CFAP74: variants seen among roughly 807,000 people sequenced by gnomAD.
The protein encoded by CFAP74 is cilia and flagella associated protein 74, also known as cilia- and flagella-associated protein 74.
A neutral mutation model predicts 188.9 loss-of-function variants in CFAP74; 124 were observed. The ratio of observed to expected loss-of-function variants is 0.66; its 90% CI spans 0.57 to 0.76. The LOEUF (loss-of-function observed/expected upper bound fraction) is 0.76. Among genes scored for constraint, CFAP74 ranks in the 30% least tolerant of loss-of-function variants. The pLI, the probability that CFAP74 is intolerant of heterozygous loss-of-function variation, is 0.00. For missense variants in CFAP74, 2,198 were observed against 2,165.2 expected (o/e 1.02, Z -0.30); for synonymous variants, 956 against 916.7 (o/e 1.04, Z -0.77).
chr1:1,925,992 G>A lies in CFAP74; in HGVS notation c.3949-54C>T. The stretch of plus-strand genomic sequence containing the variant: ...ACCGATGTCTGCTGGAGCCACGAGG[G>A]GAGCTCTGCCTCAGGGGCAGTGGGT... On this transcript the variant is annotated intron_variant, in intron 32 of 38. Transcript: ENST00000682832. 16 of 1,517,226 alleles carry A rather than the reference G, an allele frequency of 1.1e-5. 1 individual carries two copies. In the South Asian group the frequency reaches 1.9e-4, roughly 18 times the overall value. 94.0% of individuals were successfully genotyped at this position (1,517,226 alleles called of 1,614,324 possible). A position where few individuals can be genotyped will look rare whatever the true frequency, so the allele number is the denominator to read the frequency against.
chr1:1,926,743 G>A lies in CFAP74; in HGVS notation c.3681C>T (p.Tyr1227=). Residue 1227 remains tyrosine (Y), a synonymous_variant, in exon 30 of 39, where the codon TAC becomes TAT. Coordinates refer to ENST00000682832, the MANE Select transcript of CFAP74 (RefSeq NM_001304360.2). ...CCACCGTCGGGCACCACAGCTCCAG[G>A]TACAGGGTGTTGTGGGGGCTGGGAT... The part of the protein sequence containing the change: ...PLSFSPHNTL[Y]LELWCPTVAP... 7.1e-6 allele frequency: 11 copies of A among 1,550,128 alleles called. No homozygotes were observed. Among genetic ancestry groups the A allele is most frequent in the Non-Finnish European group, 9.6e-6 (11 of 1,146,824 alleles).
At position 1,940,412 on chromosome 1, in the gene CFAP74, G is replaced by C. The variant is rs1470675535; in HGVS notation, c.2616-9C>G. On this transcript the variant is annotated splice_polypyrimidine_tract_variant and intron_variant, in intron 22 of 38. Transcript: ENST00000682832. ...CCTCCGGGAGGGAGTGTCTGAAAGAGGCAGACAAGGCGAATGTGCTTTCCT... is the reference window on the plus strand; with the variant it reads ...CCTCCGGGAGGGAGTGTCTGAAAGACGCAGACAAGGCGAATGTGCTTTCCT... 3 of 1,508,970 alleles carry C rather than the reference G, an allele frequency of 2.0e-6. No individual in the cohort carries two copies. Among genetic ancestry groups the C allele is most frequent in the Non-Finnish European group, 2.7e-6 (3 of 1,130,534 alleles). 93.5% of individuals were successfully genotyped at this position (1,508,970 alleles called of 1,614,324 possible).
intron 21 of CFAP74, 115 bp downstream of exon 21, chr1:1,944,216 C>A: frequency 1.2e-6 from 1 of 806,764 alleles, no homozygotes. Flanking sequence ...ACCCCGTGTG[C>A]GTGGGTCACC....
intron 16 of CFAP74, among the ~76,000 whole-genome samples, chr1:1,958,250 C>A (rs576263428): frequency 2.0e-5 from 3 of 152,362 alleles, no homozygotes; most frequent in African/African-American, 7.2e-5. Context: ...CATAGCGCGC[C>A]TCTGCCCTTC....
At chr1:1,932,280 C>G (rs1365197422) in intron 25 of CFAP74, among the ~76,000 whole-genome samples, 1 of 150,910 alleles carries the variant, frequency 6.6e-6, no homozygotes, top group Non-Finnish European at 1.5e-5. Flanking sequence ...ACCTGTAGTC[C>G]CAGCTATTTG....
intron 21 of CFAP74, among the ~76,000 whole-genome samples, chr1:1,943,283 C>T (rs1340003151): frequency 2.0e-5 from 3 of 152,212 alleles, no homozygotes; most frequent in African/African-American, 4.8e-5. Flanking sequence ...AGGACGATGC[C>T]GGAGGCGAGC....
At chr1:1,997,336 C>T (rs1160950574) in intron 1 of CFAP74, among the ~76,000 whole-genome samples, 1 of 151,374 alleles carries the variant, frequency 6.6e-6, no homozygotes, top group Non-Finnish European at 1.5e-5. Context: ...GCAGGAGAAA[C>T]GTTTGAACCC....
At chr1:1,925,253 CAG>C (rs781509340) in intron 33 of CFAP74, among the ~76,000 whole-genome samples, 24 of 147,992 alleles carry the variant, frequency 1.6e-4, no homozygotes, top group South Asian at 4.3e-4. Flanking sequence ...TGAGGGCACA[CAG>C]GGCAGCGCGA....
intron 1 of CFAP74, among the ~76,000 whole-genome samples, chr1:1,992,630 C>T (rs974647270): frequency 2.2e-4 from 34 of 151,902 alleles, no homozygotes; most frequent in African/African-American, 5.3e-4. Context: ...CCCACCACTA[C>T]GCCCAGCTAA....
chr1:1,972,279 CGTGTGGG>C (rs1324173556), intron 8 of CFAP74, among the ~76,000 whole-genome samples, 197 bp from the exon 9 acceptor site: 2 of 152,202 alleles, frequency 1.3e-5, no homozygotes, highest in Non-Finnish European at 2.9e-5. Flanking sequence ...ACAGCGATGC[CGTGTGGG>C]GTGTTAATTA....
chr1:1,927,022 G>T lies in CFAP74; in HGVS notation c.3534C>A (p.Asp1178Glu). Residue 1178 changes from aspartate to glutamate, a missense_variant, in exon 29 of 39, where the codon GAC becomes GAA. Physicochemically the swap from Asp to Glu is conservative, Grantham distance 45. Transcript: ENST00000682832. Reference sequence around the variant, plus strand: ...GGGTGGCTCGGGCGGCCTGGTACTCGTCGGAACTAGAAGGAAGTCAGAGGC... The same window carrying T: ...GGGTGGCTCGGGCGGCCTGGTACTCTTCGGAACTAGAAGGAAGTCAGAGGC... The part of the protein sequence containing the change: ...MRKRELRPSS[D>E]EYQAARATLL... The T allele has an allele frequency of 1.3e-6, 2 of 1,550,178 alleles. No individual in the cohort carries two copies. The highest frequency in any genetic ancestry group is 1.2e-5 in the South Asian group (1 of 84,068).
Position 1,923,126 on chromosome 1 carries a change from A to T in CFAP74, c.4542T>A (p.Pro1514=). The T allele has an allele frequency of 6.2e-7, 1 of 1,609,038 alleles. No homozygotes were observed. Among genetic ancestry groups the T allele is most frequent in the Non-Finnish European group, 8.5e-7 (1 of 1,178,776 alleles). The change falls in exon 37 of 39, where the codon CCT becomes CCA. Residue 1514 remains proline, a synonymous_variant. Transcript: ENST00000682832. This position sits in a 1 kb window ranked among gnomAD's most constrained non-coding sequence, Gnocchi z 6.3. ...TCAGCTCCTCAGCTTCTGGAGAGAG[A>T]GGGCCTGGCCGGGAGCTGGCTGGAG... ...RHREASSRPG[P]LSPEAEELRP... is the part of the protein sequence containing the mutation.
chr1:1,926,174 T>C lies in CFAP74; in HGVS notation c.3948+54A>G, dbSNP rs973904276. 3.3e-5 allele frequency: 48 copies of C among 1,464,460 alleles called. No individual in the cohort carries two copies. The South Asian group carries it at 4.8e-4, about 15-fold the overall frequency. The allele number at this position is 1,464,460 out of a possible 1,614,324, so 90.7% of individuals were successfully genotyped here. On this transcript the variant is annotated intron_variant, in intron 32 of 38. Transcript: ENST00000682832. Reference sequence around the variant, plus strand: ...CCCGCCCCGGCCAGTGCCTTTGTTCTGCAGTGTGGGGAGCCTTGGGCCGCA... The same window carrying C: ...CCCGCCCCGGCCAGTGCCTTTGTTCCGCAGTGTGGGGAGCCTTGGGCCGCA...
At chr1:1,995,523 C>T (rs573831013) in intron 1 of CFAP74, among the ~76,000 whole-genome samples, 7 of 149,358 alleles carry the variant, frequency 4.7e-5, no homozygotes, top group South Asian at 4.3e-4. Flanking sequence ...AGTTGAAGAA[C>T]GGACAAAATA....
chr1:1,948,934 T>TCCCTC (rs140432652), intron 18 of CFAP74, among the ~76,000 whole-genome samples: 1 of 40,752 alleles, frequency 2.5e-5, no homozygotes, highest in Non-Finnish European at 6.5e-5. Flanking sequence ...CCTTCCTCTT[T>TCCCTC]CCTCCCTTCC....
intron 32 of CFAP74, 106 bp downstream of exon 32, chr1:1,926,122 T>C: frequency 7.0e-7 from 1 of 1,433,400 alleles, no homozygotes; most frequent in Non-Finnish European, 9.2e-7. Context: ...GACCCAGGCT[T>C]AGTCCCAGGC....
intron 16 of CFAP74, among the ~76,000 whole-genome samples, chr1:1,958,537 C>T (rs114905065): frequency 3.9e-5 from 6 of 152,274 alleles, no homozygotes; most frequent in East Asian, 1.9e-4. Context: ...CGGCGGGGGC[C>T]GGGGGGACAA....
intron 1 of CFAP74, among the ~76,000 whole-genome samples, chr1:1,991,538 G>A (rs1410701908): frequency 2.0e-5 from 3 of 152,140 alleles, no homozygotes; most frequent in African/African-American, 7.2e-5. Flanking sequence ...GGGAGGCAGA[G>A]GTTGCAGTGA....
chr1:1,922,407 G>A lies in CFAP74; in HGVS notation c.4819-19C>T, dbSNP rs890393098. On this transcript the variant is annotated intron_variant, in intron 38 of 38. Coordinates refer to ENST00000682832, the MANE Select transcript of CFAP74 (RefSeq NM_001304360.2). ...GGTCTGGCTGGAACAGGAGGGGAGG[G>A]GAGAAGAGGCCTTCAGTCAGTGGGC... 2.5e-5 allele frequency: 40 copies of A among 1,596,146 alleles called. 1 individual carries two copies. The highest frequency in any genetic ancestry group is 2.4e-4 in the African/African-American group (18 of 74,086).
Sources: gnomAD v4.1 joint callset for allele counts (sites outside exome capture counted in the v4.1 genomes callset) on GRCh38, gnomAD v4.1.1 for gene constraint, Gnocchi (gnomAD v3.1) non-coding constraint, MANE v1.5 for transcripts, NCBI Gene and HGNC (gene_info 2026-07-23, HGNC 2026-07-21) for gene names.